MARCHF8: variants seen among roughly 807,000 people sequenced by gnomAD.
MARCHF8 encodes the protein membrane associated ring-CH-type finger 8.
A neutral mutation model predicts 51.6 loss-of-function variants in MARCHF8; 40 were observed. The observed-to-expected ratio is 0.77, with a 90% CI of 0.60 to 1.01. The LOEUF (loss-of-function observed/expected upper bound fraction) is 1.01. Ranked by LOEUF, MARCHF8 falls within the 50% of genes least tolerant of loss-of-function variation. The pLI, the probability that MARCHF8 is intolerant of heterozygous loss-of-function variation, is 0.00. For missense variants in MARCHF8, 685 were observed against 708.6 expected (o/e 0.97, Z 0.38); for synonymous variants, 263 against 280.3 (o/e 0.94, Z 0.62).
At chr10:45,571,908 AAGAC>A (rs2133393107) in intron 1 of MARCHF8, among the ~76,000 whole-genome samples, 1 of 152,246 alleles carries the variant, frequency 6.6e-6, no homozygotes, top group African/African-American at 2.4e-5. Flanking sequence ...TAGACTCAGG[AAGAC>A]AGTCTTCCCT....
At chr10:45,547,370 TAATC>T (rs1468353829) in intron 1 of MARCHF8, among the ~76,000 whole-genome samples, 3 of 152,128 alleles carry the variant, frequency 2.0e-5, no homozygotes, top group African/African-American at 7.2e-5. Context: ...TTAGAGAAAT[TAATC>T]AACTTGCCCA....
At chr10:45,559,508 A>G (rs756183992) in intron 1 of MARCHF8, among the ~76,000 whole-genome samples, 1 of 152,204 alleles carries the variant, frequency 6.6e-6, no homozygotes, top group Non-Finnish European at 1.5e-5. Flanking sequence ...GGCATGCGCC[A>G]CCACGCCCAG....
intron 2 of MARCHF8, among the ~76,000 whole-genome samples, chr10:45,496,736 AAATC>A (rs1373057698): frequency 6.6e-6 from 1 of 152,088 alleles, no homozygotes; most frequent in Non-Finnish European, 1.5e-5. Context: ...TACAGGAATT[AAATC>A]AATATGAATC....
chr10:45,497,340 CAG>C (rs2133122657), intron 2 of MARCHF8, among the ~76,000 whole-genome samples: 1 of 152,206 alleles, frequency 6.6e-6, no homozygotes, highest in Non-Finnish European at 1.5e-5. Context: ...GACTGAAAAA[CAG>C]ATAATACTTG....
At chr10:45,461,191 TG>T in intron 6 of MARCHF8, 39 bp downstream of exon 6, 1 of 1,409,728 alleles carries the variant, frequency 7.1e-7, no homozygotes, top group Non-Finnish European at 9.4e-7. Context: ...TGGGGGTCAC[TG>T]GTTTCAGGAA....
Position 45,473,092 on chromosome 10 carries a change from C to G in MARCHF8, c.154-8765G>C, listed in dbSNP as rs567237501. 2.7e-4 allele frequency among the ~76,000 whole-genome samples: 41 copies of G among 152,258 alleles called. 1 individual carries two copies. The highest frequency in any genetic ancestry group is 2.7e-3 in the Admixed American group (41 of 15,298). ...ACAATCACATCCAGGTCTGCCCTCG[C>G]GTAATAAAAGTGGGTCAGCAAGAAT... On this transcript the variant is annotated intron_variant, in intron 3 of 7. Transcript: ENST00000453424.
rs575957290 is a variant in MARCHF8, at chr10:45,563,002, T to TCTCTCTCCCTCCCTCCCTTC, written c.-78-29733_-78-29714dup. Among the ~76,000 whole-genome samples the TCTCTCTCCCTCCCTCCCTTC allele has an allele frequency of 1.2e-3, 179 of 150,906 alleles. 5 individuals carry two copies. The East Asian group carries it at 0.024, about 20-fold the overall frequency. On this transcript the variant is annotated intron_variant, in intron 1 of 6. Transcript: ENST00000319836. Reference sequence around the variant, plus strand: ...GGATGCAAAACCCACATATATACAGTCTCTCTCCCTCCCTCCCTTCCTCTC... The same window carrying TCTCTCTCCCTCCCTCCCTTC: ...GGATGCAAAACCCACATATATACAGTCTCTCTCCCTCCCTCCCTTCCTCTCTCCCTCCCTCCCTTCCTCTC...
intron 2 of MARCHF8, among the ~76,000 whole-genome samples, chr10:45,526,198 C>G (rs71496610): frequency 0.063 from 9,585 of 152,106 alleles, 350 homozygotes; most frequent in Non-Finnish European, 0.069. Context: ...ATTCACCCTT[C>G]AAATAGGTCA....
intron 3 of MARCHF8, among the ~76,000 whole-genome samples, chr10:45,465,923 A>G (rs983272011): frequency 3.3e-5 from 5 of 152,244 alleles, no homozygotes; most frequent in Non-Finnish European, 7.3e-5. Context: ...GCATCCTTGA[A>G]ATAACCCTCC....
At chr10:45,546,670 G>C (rs907303967) in intron 1 of MARCHF8, among the ~76,000 whole-genome samples, 4 of 151,670 alleles carry the variant, frequency 2.6e-5, no homozygotes, top group African/African-American at 9.7e-5. Context: ...TGTGGTATCA[G>C]CTACTTGGTC....
At chr10:45,593,840 C>T (rs1193909626) in intron 1 of MARCHF8, among the ~76,000 whole-genome samples, 5 of 152,188 alleles carry the variant, frequency 3.3e-5, no homozygotes, top group African/African-American at 1.2e-4. Flanking sequence ...GAAAACTCCA[C>T]ACATGCAAAG....
chr10:45,586,466 A>T (rs1356456940), intron 1 of MARCHF8, among the ~76,000 whole-genome samples: 1 of 152,144 alleles, frequency 6.6e-6, no homozygotes, highest in Non-Finnish European at 1.5e-5. Context: ...AGTACAAGTC[A>T]TTTGTGAATT....
At chr10:45,499,736 T>A (rs527438427) in intron 2 of MARCHF8, among the ~76,000 whole-genome samples, 1 of 152,272 alleles carries the variant, frequency 6.6e-6, no homozygotes, top group South Asian at 2.1e-4. Context: ...GGGAAATCAT[T>A]TGGCCAAATA....
At chr10:45,538,954 T>G (rs188416275), upstream of MARCHF8, among the ~76,000 whole-genome samples, 37 of 152,322 alleles carry the variant, frequency 2.4e-4, no homozygotes, top group East Asian at 7.1e-3. Flanking sequence ...AACTCAGCTC[T>G]GCACCAAGCG....
chr10:45,525,542 G>C (rs745559349), intron 2 of MARCHF8, among the ~76,000 whole-genome samples: 19 of 152,134 alleles, frequency 1.2e-4, no homozygotes, highest in Non-Finnish European at 2.2e-4. Flanking sequence ...CACCTTCAAG[G>C]AGGGGGAGCA....
chr10:45,478,066 AACAG>A (rs2042818877), intron 3 of MARCHF8, among the ~76,000 whole-genome samples: 1 of 152,232 alleles, frequency 6.6e-6, no homozygotes, highest in Non-Finnish European at 1.5e-5. Context: ...CAATGGACTA[AACAG>A]ACAGTTACAG....
intron 3 of MARCHF8, among the ~76,000 whole-genome samples, chr10:45,479,125 T>C (rs1265752543): frequency 3.9e-5 from 6 of 152,068 alleles, no homozygotes; most frequent in African/African-American, 7.2e-5. Context: ...GCAAATCCAA[T>C]TGCACATCAA....
intron 1 of MARCHF8, among the ~76,000 whole-genome samples, chr10:45,534,102 A>G (rs1421787639): frequency 6.6e-6 from 1 of 152,112 alleles, no homozygotes; most frequent in Non-Finnish European, 1.5e-5. Flanking sequence ...AGAATGGCAC[A>G]AACCCAGGAG....
intron 3 of MARCHF8, among the ~76,000 whole-genome samples, chr10:45,474,385 G>A (rs1042475783): frequency 1.3e-5 from 2 of 151,926 alleles, no homozygotes; most frequent in Non-Finnish European, 2.9e-5. Context: ...CTGGTACCCC[G>A]AGACAATGGC....
Sources: gnomAD v4.1 joint callset for allele counts (sites outside exome capture counted in the v4.1 genomes callset) on GRCh38, gnomAD v4.1.1 for gene constraint, MANE v1.5 for transcripts, NCBI Gene and HGNC (gene_info 2026-07-23, HGNC 2026-07-21) for gene names.